The following CASP2 variants were observed in gnomAD, a reference collection of about 807,000 sequenced individuals.
The protein encoded by CASP2 is caspase 2, also known as caspase-2.
Under a neutral mutation model 54.4 loss-of-function variants are expected in CASP2, and 38 were observed. The observed-to-expected ratio is 0.70, with a 90% CI of 0.54 to 0.92. The LOEUF (loss-of-function observed/expected upper bound fraction) is 0.92, where lower values mean the gene tolerates loss of function less well. Among genes scored for constraint, CASP2 ranks in the 40% least tolerant of loss-of-function variants. CASP2 has a pLI of 0.00. For synonymous variants in CASP2, 215 were observed against 216.3 expected (o/e 0.99, Z 0.05); for missense variants, 512 against 579.6 (o/e 0.88, Z 1.20).
chr7:143,288,636 A>G, intron 1 of CASP2, 107 bp downstream of exon 1: 2 of 1,071,416 alleles, frequency 1.9e-6, no homozygotes, highest in East Asian at 5.4e-5. Flanking sequence ...CCCGGAAAGC[A>G]GCCGTGTCCG....
intron 6 of CASP2, among the ~76,000 whole-genome samples, chr7:143,296,995 G>A (rs917776106): frequency 1.3e-5 from 2 of 152,158 alleles, no homozygotes; most frequent in Non-Finnish European, 2.9e-5. Flanking sequence ...ACTCTTCAAA[G>A]TGGAAATTTC....
At chr7:143,302,266 C>T (rs1394597527) in intron 8 of CASP2, 1 of 152,174 alleles carries the variant, frequency 6.6e-6, no homozygotes, top group Non-Finnish European at 1.5e-5. Context: ...GTGATTTTCT[C>T]ATCCTATATC....
At position 143,288,426 on chromosome 7, in the gene CASP2, G is replaced by T. The variant is rs746399929; in HGVS notation, c.-30G>T. The T allele has an allele frequency of 6.2e-7, 1 of 1,609,984 alleles. No individual in the cohort carries two copies. Among genetic ancestry groups the T allele is most frequent in the Middle Eastern group, 2.1e-4 (1 of 4,862 alleles). On this transcript the variant is annotated 5_prime_UTR_variant, in exon 1 of 11. Coordinates refer to ENST00000310447, the MANE Select transcript of CASP2 (RefSeq NM_032982.4). ...CCGGTTTGTTTGGGCTGTGGGCGGT[G>T]CGCAGCGGAGAGCCCGGGAAAAGCG...
Position 143,294,319 on chromosome 7 carries a change from C to A in CASP2, c.565C>A (p.Gln189Lys). The A allele has an allele frequency of 6.2e-7, 1 of 1,603,824 alleles. No individual in the cohort carries two copies. The highest frequency in any genetic ancestry group is 8.5e-7 in the Non-Finnish European group (1 of 1,170,740). The part of the protein sequence containing the change: ...CTPEFYQTHF[Q>K]LAYRLQSRPR... ...TCCTGAATTTTATCAAACACACTTC[C>A]AGCTGGTGAGTTTTTGCATAATGAC... Residue 189 changes from glutamine (Q) to lysine (K), a missense_variant, in exon 5 of 11, where the codon CAG (glutamine) becomes AAG (lysine). Gln to Lys is a moderately conservative substitution (Grantham distance 53). Coordinates refer to ENST00000310447, the MANE Select transcript of CASP2 (RefSeq NM_032982.4).
chr7:143,304,005 A>G, intron 9 of CASP2, 72 bp downstream of exon 9: 2 of 1,373,174 alleles, frequency 1.5e-6, no homozygotes, highest in South Asian at 1.2e-5. Context: ...CTTTGCAGGT[A>G]CAGGTTGAGT....
At chr7:143,290,141 A>C (rs2116759624) in intron 1 of CASP2, among the ~76,000 whole-genome samples, 1 of 146,610 alleles carries the variant, frequency 6.8e-6, no homozygotes, top group East Asian at 2.0e-4. Context: ...GCTCACTGCA[A>C]CCTCCATCTC....
intron 6 of CASP2, among the ~76,000 whole-genome samples, chr7:143,299,507 T>G (rs1268163574): frequency 2.6e-4 from 40 of 152,258 alleles, no homozygotes; most frequent in Admixed American, 2.6e-3. Context: ...TTTATTTTCG[T>G]GTAGCTGAAT....
chr7:143,293,560 A>G (rs1318273265), intron 4 of CASP2, among the ~76,000 whole-genome samples: 1 of 148,946 alleles, frequency 6.7e-6, no homozygotes, highest in East Asian at 2.0e-4. Context: ...TCCAGGCTGT[A>G]GTGCAATGGT....
At chr7:143,294,429 T>G in intron 5 of CASP2, 105 bp downstream of exon 5, 2 of 1,046,126 alleles carry the variant, frequency 1.9e-6, no homozygotes, top group Non-Finnish European at 1.5e-6. Flanking sequence ...GCCTTATTAG[T>G]CAGAAAGTTG....
Position 143,305,092 on chromosome 7 carries a change from C to G in CASP2, c.*21C>G, listed in dbSNP as rs868438307. ...CATGATGTCACCTCCCCATCATCCA[C>G]GCCAAGTGGAAGCCACTGGACCACA... On this transcript the variant is annotated 3_prime_UTR_variant, in exon 11 of 11. Transcript: ENST00000310447. The G allele has an allele frequency of 6.2e-7, 1 of 1,614,148 alleles. No individual in the cohort carries two copies. Among genetic ancestry groups the G allele is most frequent in the Non-Finnish European group, 8.5e-7 (1 of 1,180,012 alleles).
intron 7 of CASP2, 70 bp from the exon 8 acceptor site, chr7:143,300,134 T>C (rs960182436): frequency 6.2e-7 from 1 of 1,611,806 alleles, no homozygotes; most frequent in African/African-American, 1.3e-5. Context: ...ATGGCTACTG[T>C]TGCATGTGTA....
intron 8 of CASP2, 123 bp from the exon 9 acceptor site, chr7:143,303,661 A>T: frequency 2.7e-6 from 2 of 731,514 alleles, no homozygotes; most frequent in Non-Finnish European, 4.8e-6. Context: ...CATAGGTTGG[A>T]GGCAACAGCT....
intron 4 of CASP2, chr7:143,293,122 T>G (rs1487601035): frequency 4.5e-5 from 29 of 651,390 alleles, no homozygotes; most frequent in Middle Eastern, 4.0e-4. Flanking sequence ...TTGTTTTTTT[T>G]TTTTTTTGTT....
At chr7:143,292,974 G>A (rs1024259913) in intron 4 of CASP2, among the ~76,000 whole-genome samples, 4 of 152,084 alleles carry the variant, frequency 2.6e-5, no homozygotes, top group East Asian at 3.9e-4. Context: ...CGGTGCCACC[G>A]CACTCCAGCC....
Position 143,305,069 on chromosome 7 carries a change from T to C in CASP2, c.1357T>C (p.Ter453ArgextTer85). The C allele has an allele frequency of 6.2e-7, 1 of 1,614,188 alleles. No individual in the cohort carries two copies. The highest frequency in any genetic ancestry group is 8.5e-7 in the Non-Finnish European group (1 of 1,180,018). Residue 453 changes from the stop codon to arginine (R), a stop_lost, in exon 11 of 11, where the codon TGA (stop) becomes CGA (arginine). Coordinates refer to ENST00000310447, the MANE Select transcript of CASP2 (RefSeq NM_032982.4). ...CCTGTTCCCAGGACACCCTCCCACA[T>C]GATGTCACCTCCCCATCATCCACGC... The part of the protein sequence containing the change: ...LYLFPGHPPT[*>R]
At chr7:143,293,732 G>A (rs1034685395) in intron 4 of CASP2, among the ~76,000 whole-genome samples, 1 of 151,330 alleles carries the variant, frequency 6.6e-6, no homozygotes, top group African/African-American at 2.4e-5. Context: ...CTCGTGATCT[G>A]CCTGCCTCGG....
intron 4 of CASP2, 58 bp from the exon 5 acceptor site, chr7:143,294,170 CAT>C: frequency 1.1e-6 from 1 of 915,396 alleles, no homozygotes; most frequent in Non-Finnish European, 1.8e-6. Flanking sequence ...GTTACAATGA[CAT>C]ATTAAGATTG....
chr7:143,304,793 C>T lies in CASP2; in HGVS notation c.1227+10C>T, dbSNP rs370896059. On this transcript the variant is annotated intron_variant, in intron 10 of 10. Transcript: ENST00000310447. Reference sequence around the variant, plus strand: ...CGACATGCTGGTTAAGGTGAGCCAGCGGGCTCCGTGACCCCTGTGTGTCTC... The same window carrying T: ...CGACATGCTGGTTAAGGTGAGCCAGTGGGCTCCGTGACCCCTGTGTGTCTC... 1.1e-4 allele frequency: 180 copies of T among 1,610,466 alleles called. No homozygotes were observed. Among genetic ancestry groups the T allele is most frequent in the Non-Finnish European group, 1.4e-4 (161 of 1,176,766 alleles).
At chr7:143,300,350 A>G in intron 8 of CASP2, 56 bp downstream of exon 8, 1 of 1,607,492 alleles carries the variant, frequency 6.2e-7, no homozygotes, top group Non-Finnish European at 8.5e-7. Context: ...GCCTCCCACC[A>G]GCTCTCACTT....
Sources: gnomAD v4.1 joint callset for allele counts (sites outside exome capture counted in the v4.1 genomes callset) on GRCh38, gnomAD v4.1.1 for gene constraint, MANE v1.5 for transcripts, NCBI Gene and HGNC (gene_info 2026-07-23, HGNC 2026-07-21) for gene names.